Variants in C2CD5 observed in about 807,000 individuals in gnomAD.
C2CD5 encodes the protein C2 domain-containing protein 5.
Under a neutral mutation model 130.3 loss-of-function variants are expected in C2CD5, and 109 were observed. The observed-to-expected ratio is 0.84, with a 90% CI of 0.72 to 0.98. The LOEUF (loss-of-function observed/expected upper bound fraction) is 0.98. Among genes scored for constraint, C2CD5 ranks in the 50% least tolerant of loss-of-function variants. C2CD5 has a pLI of 0.00. For synonymous variants in C2CD5, 454 were observed against 429.2 expected, an observed-to-expected ratio of 1.06 and a Z score of -0.71; for missense variants, 996 against 1,261.8, an observed-to-expected ratio of 0.79 and a Z score of 3.19.
chr12:22,531,487 A>G (rs569017714), intron 3 of C2CD5, among the ~76,000 whole-genome samples: 4 of 152,330 alleles, frequency 2.6e-5, no homozygotes, highest in Admixed American at 2.0e-4. Context: ...CCTTACATCT[A>G]TGTCCAACTG....
chr12:22,530,076 C>CCATA (rs1426076611), intron 3 of C2CD5, among the ~76,000 whole-genome samples: 1 of 77,296 alleles, frequency 1.3e-5, no homozygotes, highest in African/African-American at 4.6e-5. Context: ...TATTTGAGTG[C>CCATA]TATATATATA....
intron 9 of C2CD5, among the ~76,000 whole-genome samples, chr12:22,510,670 A>G (rs962870741): frequency 6.6e-6 from 1 of 152,250 alleles, no homozygotes. Context: ...CCTTATATCA[A>G]TGTTTCCCAA....
At chr12:22,506,542 T>C (rs1948556873) in intron 10 of C2CD5, among the ~76,000 whole-genome samples, 169 bp downstream of exon 10, 1 of 152,194 alleles carries the variant, frequency 6.6e-6, no homozygotes, top group African/African-American at 2.4e-5. Context: ...AAAATACACT[T>C]AGTTTATTTA....
rs750841884 is a variant in C2CD5, at chr12:22,475,031, C to CTATAAAAG, written c.1903-141_1903-140insCTTTTATA. 3.4e-4 allele frequency: 165 copies of CTATAAAAG among 488,618 alleles called. 1 individual carries two copies. The highest frequency in any genetic ancestry group is 5.3e-4 in the Non-Finnish European group (153 of 289,556). The allele number at this position is 488,618 out of a possible 1,614,324, so 30.3% of individuals were successfully genotyped here. ...AGTGAAGTCCGTACTTAAGTATAACCTTTAAAACTAAACTTTTATAGCAGA... is the reference window on the plus strand; with the variant it reads ...AGTGAAGTCCGTACTTAAGTATAACCTATAAAAGTTTAAAACTAAACTTTTATAGCAGA... On this transcript the variant is annotated intron_variant, in intron 15 of 26. Transcript: ENST00000446597.
chr12:22,516,452 G>C (rs1949731687), intron 8 of C2CD5, among the ~76,000 whole-genome samples: 1 of 151,222 alleles, frequency 6.6e-6, no homozygotes, highest in Non-Finnish European at 1.5e-5. Flanking sequence ...CCCCATTTGA[G>C]AATAAATTTT....
chr12:22,493,174 T>G, intron 11 of C2CD5, 49 bp downstream of exon 11: 1 of 1,019,616 alleles, frequency 9.8e-7, no homozygotes, highest in Non-Finnish European at 1.5e-6. Flanking sequence ...CCCTTTCAGA[T>G]GGCAGTCTAA....
Position 22,535,273 on chromosome 12 carries a change from C to A in C2CD5, c.162G>T (p.Glu54Asp). 6.2e-7 allele frequency: 1 copy of A among 1,602,188 alleles called. No individual in the cohort carries two copies. Among genetic ancestry groups the A allele is most frequent in the Non-Finnish European group, 8.5e-7 (1 of 1,170,050 alleles). Residue 54 changes from glutamate (E) to aspartate (D), a missense_variant, in exon 3 of 27, where the codon GAG becomes GAT. Glu to Asp is a conservative substitution (Grantham distance 45). Around this residue, in one of 9 missense-constraint regions of C2CD5, gnomAD observed 68 missense variants for 154.5 expected, o/e 0.44. Coordinates refer to ENST00000446597, the MANE Select transcript of C2CD5 (RefSeq NM_001286176.2). ...LKSLNPQWNS[E>D]WFKFEVDDED... is the part of the protein sequence containing the mutation. Reference sequence around the variant, plus strand: ...AAAAACTTACCTCAAATTTAAACCACTCCGAGTTCCACTGAGGGTTGAGTG... The same window carrying A: ...AAAAACTTACCTCAAATTTAAACCAATCCGAGTTCCACTGAGGGTTGAGTG...
rs546557072 is a variant in C2CD5 at position 22,482,694 on chromosome 12, T to G, written c.1600A>C (p.Ile534Leu). The change falls in exon 14 of 27, where the codon ATC becomes CTC. Residue 534 changes from isoleucine (I) to leucine (L), a missense_variant. This residue lies in a region of C2CD5 where 590 missense variants were observed against 631.4 expected (regional missense o/e 0.93). Coordinates refer to ENST00000446597, the MANE Select transcript of C2CD5 (RefSeq NM_001286176.2). ...TCCATAAATGGCAAGAGATTACTGA[T>G]AGCTGTAGCATTTGCTTCTGCCTGT... ...KAQAEANATA[I>L]SNLLPFMEYE... 3 of 1,613,578 alleles carry G rather than the reference T, an allele frequency of 1.9e-6. No individual in the cohort carries two copies. Among genetic ancestry groups the G allele is most frequent in the Non-Finnish European group, 2.5e-6 (3 of 1,179,680 alleles).
intron 4 of C2CD5, among the ~76,000 whole-genome samples, chr12:22,526,806 G>A (rs1184115286): frequency 6.6e-6 from 1 of 152,172 alleles, no homozygotes; most frequent in African/African-American, 2.4e-5. Flanking sequence ...ATTTTCACTT[G>A]ACTGTCCTGA....
rs1349272415 is a variant in C2CD5, at chr12:22,544,379, G to A, written c.-89C>T. ...GCTGAGACCTCATTCCGGAGAGGCG[G>A]CGGGAGGAAGGGCTTTGATGGGTTC... On this transcript the variant is annotated 5_prime_UTR_variant, in exon 1 of 27. Transcript: ENST00000446597. The A allele has an allele frequency of 6.9e-6, 3 of 432,864 alleles. No homozygotes were observed. The highest frequency in any genetic ancestry group is 1.2e-5 in the Non-Finnish European group (3 of 245,326). The allele number at this position is 432,864 out of a possible 1,614,324, so 26.8% of individuals were successfully genotyped here.
intron 17 of C2CD5, 105 bp from the exon 18 acceptor site, chr12:22,472,452 C>CA: frequency 1.5e-6 from 1 of 665,600 alleles, no homozygotes; most frequent in Non-Finnish European, 2.6e-6. Flanking sequence ...TAACACCCTT[C>CA]ATTTTTTTTC....
At position 22,518,035 on chromosome 12, in the gene C2CD5, A is replaced by C; in HGVS notation, c.903T>G (p.Ser301Arg). The part of the protein sequence containing the change: ...TYSFSPSKSY[S>R]RQSSSSDTDL... ...CTGTGTCAGAAGAAGAGGACTGTCG[A>C]CTGTAGGACTTGGAAGGTGAAAAGG... is the stretch of plus-strand genomic sequence containing the variant. Residue 301 changes from serine (S) to arginine (R), a missense_variant, in exon 8 of 27, where the codon AGT becomes AGG. Ser to Arg is a moderately radical substitution (Grantham distance 110). Around this residue, in one of 9 missense-constraint regions of C2CD5, gnomAD observed 156 missense variants for 165.9 expected, o/e 0.94. Coordinates refer to ENST00000446597, the MANE Select transcript of C2CD5 (RefSeq NM_001286176.2). 6.2e-7 allele frequency: 1 copy of C among 1,614,034 alleles called. No individual in the cohort carries two copies. The highest frequency in any genetic ancestry group is 8.5e-7 in the Non-Finnish European group (1 of 1,179,928).
At chr12:22,509,931 A>C (rs1323634044) in intron 9 of C2CD5, among the ~76,000 whole-genome samples, 1 of 152,196 alleles carries the variant, frequency 6.6e-6, no homozygotes, top group Non-Finnish European at 1.5e-5. Context: ...TCTGCCGGGC[A>C]CAGTGGCTCA....
intron 2 of C2CD5, among the ~76,000 whole-genome samples, chr12:22,543,727 T>C (rs904228550): frequency 6.6e-6 from 1 of 151,978 alleles, no homozygotes; most frequent in Non-Finnish European, 1.5e-5. Context: ...TGTGTGTGTA[T>C]GTGTGTGAGT....
chr12:22,515,715 T>C (rs182139585), intron 8 of C2CD5, among the ~76,000 whole-genome samples: 3 of 152,216 alleles, frequency 2.0e-5, no homozygotes, highest in African/African-American at 7.2e-5. Context: ...TTGAGATATA[T>C]ATTAATACTT....
chr12:22,479,948 A>T (rs1359272711), intron 14 of C2CD5, among the ~76,000 whole-genome samples: 1 of 152,182 alleles, frequency 6.6e-6, no homozygotes, highest in Non-Finnish European at 1.5e-5. Context: ...TTATTTTTTA[A>T]ATTAATCAAC....
At chr12:22,507,713 A>G (rs937247593) in intron 9 of C2CD5, among the ~76,000 whole-genome samples, 1 of 152,212 alleles carries the variant, frequency 6.6e-6, no homozygotes, top group Non-Finnish European at 1.5e-5. Context: ...TCTGGCTGCA[A>G]GATTAATGTA....
chr12:22,511,229 G>A (rs898394023), intron 9 of C2CD5, among the ~76,000 whole-genome samples: 2 of 148,178 alleles, frequency 1.3e-5, no homozygotes, highest in Non-Finnish European at 3.0e-5. Flanking sequence ...CAAAGGGATA[G>A]AAACGAATAT....
At chr12:22,519,730 T>A (rs1950100327) in intron 7 of C2CD5, among the ~76,000 whole-genome samples, 1 of 152,244 alleles carries the variant, frequency 6.6e-6, no homozygotes, top group Non-Finnish European at 1.5e-5. Flanking sequence ...CTGTCTAGGC[T>A]ACTAAGATAG....
Sources: allele counts gnomAD v4.1 joint callset (sites outside exome capture counted in the v4.1 genomes callset), GRCh38; gene constraint gnomAD v4.1.1; regional missense constraint gnomAD v4.1.1; transcripts MANE v1.5; gene names NCBI Gene and HGNC (gene_info 2026-07-23, HGNC 2026-07-21).